Variants in DOCK11 observed in about 807,000 individuals in gnomAD.
DOCK11 encodes dedicator of cytokinesis 11.
Under a neutral mutation model 169.1 loss-of-function variants are expected in DOCK11, and 70 were observed. The ratio of observed to expected loss-of-function variants is 0.41; its 90% confidence interval spans 0.34 to 0.51. The LOEUF (loss-of-function observed/expected upper bound fraction) is 0.51, where lower values mean the gene tolerates loss of function less well. Among genes scored for constraint, DOCK11 ranks in the 20% least tolerant of loss-of-function variants. The pLI is 0.10. For synonymous variants in DOCK11, 529 were observed against 541.3 expected (o/e 0.98, Z 0.32); for missense variants, 1,166 against 1,538.8 (o/e 0.76, Z 4.05).
intron 7 of DOCK11, among the ~76,000 whole-genome samples, chrX:118,562,760 T>C (rs781766639): frequency 8.9e-6 from 1 of 112,436 alleles, no homozygotes; most frequent in Non-Finnish European, 1.9e-5. Context: ...CTTTTATGAC[T>C]CAGCTTAAAG....
At chrX:118,574,124 T>C (rs1411683950) in intron 12 of DOCK11, 106 bp downstream of exon 12, 2 of 849,391 alleles carry the variant, frequency 2.4e-6, no homozygotes, top group African/African-American at 2.0e-5. Flanking sequence ...ATTCTCTCTC[T>C]TGTAAGGTCT....
intron 18 of DOCK11, 98 bp from the exon 19 acceptor site, chrX:118,590,112 G>A: frequency 1.4e-6 from 1 of 737,883 alleles, no homozygotes; most frequent in Non-Finnish European, 2.1e-6. Context: ...CTTGGCCATG[G>A]CCCTATAGTC....
intron 12 of DOCK11, among the ~76,000 whole-genome samples, chrX:118,574,982 G>A (rs776121114): frequency 8.0e-5 from 9 of 111,970 alleles, no homozygotes; most frequent in East Asian, 5.6e-4. Context: ...ATGAGAGCAC[G>A]GCATAGAATT....
At chrX:118,581,699 G>A (rs1382178623) in intron 14 of DOCK11, among the ~76,000 whole-genome samples, 1 of 106,116 alleles carries the variant, frequency 9.4e-6, no homozygotes, top group East Asian at 3.0e-4. Flanking sequence ...AGCTACTCTG[G>A]AGGCTGAGGC....
intron 1 of DOCK11, among the ~76,000 whole-genome samples, chrX:118,531,292 A>G (rs1280436604): frequency 9.4e-6 from 1 of 106,207 alleles, no homozygotes; most frequent in African/African-American, 3.4e-5. Flanking sequence ...CATCTCTACA[A>G]AAATAAAAAA....
intron 6 of DOCK11, among the ~76,000 whole-genome samples, chrX:118,549,449 C>T (rs1384277799): frequency 6.3e-5 from 7 of 111,454 alleles, no homozygotes; most frequent in African/African-American, 2.3e-4. Context: ...CGGCCTATTT[C>T]TTTCTTTTTA....
chrX:118,631,833 G>C (rs1485425682), intron 35 of DOCK11, among the ~76,000 whole-genome samples: 2 of 111,297 alleles, frequency 1.8e-5, no homozygotes, highest in Middle Eastern at 4.2e-3. Flanking sequence ...CTGCATTGCT[G>C]ACTAGTTCTC....
chrX:118,640,781 A>G (rs142288849), intron 38 of DOCK11, among the ~76,000 whole-genome samples: 156 of 80,844 alleles, frequency 1.9e-3, no homozygotes, highest in African/African-American at 6.6e-3. Flanking sequence ...GGAGTTAAAT[A>G]CAGTATGACA....
intron 45 of DOCK11, among the ~76,000 whole-genome samples, chrX:118,664,965 T>A (rs2016305591): frequency 1.8e-5 from 2 of 112,501 alleles, no homozygotes; most frequent in African/African-American, 6.5e-5. Context: ...ATGAATTGAT[T>A]TTTTAAAATA....
intron 6 of DOCK11, among the ~76,000 whole-genome samples, chrX:118,557,884 A>C (rs1347205223): frequency 9.3e-6 from 1 of 107,578 alleles, no homozygotes; most frequent in Non-Finnish European, 1.9e-5. Flanking sequence ...GTAAAGTAAG[A>C]TGGGAAGCCA....
chrX:118,660,772 A>G (rs1035584465), intron 44 of DOCK11, among the ~76,000 whole-genome samples: 1 of 110,340 alleles, frequency 9.1e-6, no homozygotes, highest in African/African-American at 3.3e-5. Flanking sequence ...GCCTGGCCCA[A>G]TGCCTTTTAT....
intron 1 of DOCK11, among the ~76,000 whole-genome samples, chrX:118,525,038 A>C (rs1603030893): frequency 1.8e-5 from 2 of 110,347 alleles, no homozygotes; most frequent in Admixed American, 1.9e-4. Context: ...TCAGCTACTC[A>C]GGAGGCTGAG....
At chrX:118,573,477 C>T (rs1603078183) in intron 11 of DOCK11, among the ~76,000 whole-genome samples, 1 of 112,718 alleles carries the variant, frequency 8.9e-6, no homozygotes, top group African/African-American at 3.2e-5. Context: ...TAGGTAGTTT[C>T]AGTAAACGTG....
At chrX:118,663,504 G>A (rs1390344266) in intron 45 of DOCK11, among the ~76,000 whole-genome samples, 2 of 110,270 alleles carry the variant, frequency 1.8e-5, no homozygotes, top group Non-Finnish European at 3.8e-5. Context: ...CAGGGACCAC[G>A]ACTAAGAGGT....
chrX:118,668,346 GA>G (rs2016386169), intron 45 of DOCK11, among the ~76,000 whole-genome samples: 1 of 111,193 alleles, frequency 9.0e-6, no homozygotes, highest in African/African-American at 3.3e-5. Flanking sequence ...TGCATCTATT[GA>G]AAGAGATATA....
chrX:118,531,099 C>T (rs2011526433), intron 1 of DOCK11, among the ~76,000 whole-genome samples: 1 of 110,543 alleles, frequency 9.0e-6, no homozygotes, highest in African/African-American at 3.3e-5. Context: ...TCATCTCTTA[C>T]TAAATATTGG....
chrX:118,597,245 G>C (rs2014194453), intron 20 of DOCK11, among the ~76,000 whole-genome samples, 186 bp from the exon 21 acceptor site: 1 of 111,372 alleles, frequency 9.0e-6, no homozygotes, highest in Non-Finnish European at 1.9e-5. Context: ...TTAGTGGCCA[G>C]GCTGGGATTC....
intron 44 of DOCK11, among the ~76,000 whole-genome samples, chrX:118,662,432 T>G (rs1042576086): frequency 8.9e-6 from 1 of 112,363 alleles, no homozygotes; most frequent in Non-Finnish European, 1.9e-5. Flanking sequence ...TCCTAGCCAT[T>G]GAAGATGATA....
rs1311619178 is a variant in DOCK11 at position 118,638,137 on chromosome X, A to G, written c.4001+10A>G. 4 of 1,200,718 alleles carry G rather than the reference A, an allele frequency of 3.3e-6. No individual in the cohort carries two copies. Among genetic ancestry groups the G allele is most frequent in the Non-Finnish European group, 4.5e-6 (4 of 886,749 alleles). ...AAAGAAACATAGCAAGGTAATTCCCATAGCACTGCAATTTCTACTTTTTCC... is the reference window on the plus strand; with the variant it reads ...AAAGAAACATAGCAAGGTAATTCCCGTAGCACTGCAATTTCTACTTTTTCC... On this transcript the variant is annotated intron_variant, in intron 37 of 52. Coordinates refer to ENST00000276202, the MANE Select transcript of DOCK11 (RefSeq NM_144658.4).
Sources: gnomAD v4.1 joint callset for allele counts (sites outside exome capture counted in the v4.1 genomes callset) on GRCh38, gnomAD v4.1.1 for gene constraint, MANE v1.5 for transcripts, NCBI Gene and HGNC (gene_info 2026-07-23, HGNC 2026-07-21) for gene names.